FOXP1: variants seen among roughly 807,000 people sequenced by gnomAD.
The protein encoded by FOXP1 is forkhead box protein P1.
In FOXP1, 15 loss-of-function variants were observed where a neutral mutation model predicts 98.2. That is an observed-to-expected ratio of 0.15 (90% CI 0.10 to 0.24). The LOEUF (loss-of-function observed/expected upper bound fraction) is 0.24. Ranked by LOEUF, FOXP1 falls within the 10% of genes least tolerant of loss-of-function variation. The probability of loss-of-function intolerance (pLI) is 1.00; values close to 1 mark genes in which losing one functional copy is unlikely to be tolerated. For missense variants in FOXP1, 633 were observed against 848.5 expected, an observed-to-expected ratio of 0.75 and a Z score of 3.15; for synonymous variants, 371 against 314.5, an observed-to-expected ratio of 1.18 and a Z score of -1.90.
intron 2 of FOXP1, among the ~76,000 whole-genome samples, chr3:71,497,088 G>A (rs932753469): frequency 6.6e-6 from 1 of 151,384 alleles, no homozygotes; most frequent in Non-Finnish European, 1.5e-5. Context: ...AAAAAATACA[G>A]CAACTGAAAT....
intron 2 of FOXP1, among the ~76,000 whole-genome samples, chr3:71,502,227 G>A (rs961239588): frequency 6.6e-6 from 1 of 152,224 alleles, no homozygotes; most frequent in Non-Finnish European, 1.5e-5. Context: ...AGCACAGCTA[G>A]CACAAGGCAG....
intron 3 of FOXP1, among the ~76,000 whole-genome samples, chr3:71,380,321 C>G (rs2080047599): frequency 6.6e-6 from 1 of 152,174 alleles, no homozygotes; most frequent in Admixed American, 6.5e-5. Flanking sequence ...CCACAATACC[C>G]TGACACACTG....
At chr3:71,524,904 CG>C (rs1229652166) in intron 2 of FOXP1, among the ~76,000 whole-genome samples, 22 of 152,156 alleles carry the variant, frequency 1.4e-4, no homozygotes, top group Non-Finnish European at 1.0e-4. Flanking sequence ...GGTCACCGTG[CG>C]GCCCACTTGG....
intron 5 of FOXP1, among the ~76,000 whole-genome samples, chr3:71,275,821 A>G (rs2107342819): frequency 6.6e-6 from 1 of 152,216 alleles, no homozygotes; most frequent in African/African-American, 2.4e-5. Context: ...CCATCCTCTC[A>G]TGCTTATCCC....
chr3:71,009,770 A>G (rs886232325), intron 12 of FOXP1, among the ~76,000 whole-genome samples: 1 of 152,126 alleles, frequency 6.6e-6, no homozygotes, highest in African/African-American at 2.4e-5. Flanking sequence ...ATTTTTAGAG[A>G]CAAGGTTTTG....
At chr3:71,072,874 C>A (rs891317966) in intron 7 of FOXP1, among the ~76,000 whole-genome samples, 1 of 152,212 alleles carries the variant, frequency 6.6e-6, no homozygotes. Flanking sequence ...AAGGTTTAGA[C>A]TGGATTGCAA....
chr3:71,039,044 C>T (rs1207966154), intron 11 of FOXP1, among the ~76,000 whole-genome samples: 1 of 152,042 alleles, frequency 6.6e-6, no homozygotes, highest in Non-Finnish European at 1.5e-5. Context: ...GTCTTGATGG[C>T]TACATTCAGT....
intron 16 of FOXP1, 119 bp downstream of exon 16, chr3:70,977,521 CCTT>C: frequency 1.3e-6 from 1 of 796,962 alleles, no homozygotes; most frequent in Non-Finnish European, 2.1e-6. Context: ...TTTTAAAAAA[CCTT>C]ATAGAAAAGG....
Position 70,958,217 on chromosome 3 carries a change from A to C in FOXP1, c.*1030T>G, listed in dbSNP as rs1353378788. The C allele has an allele frequency of 2.1e-6, 1 of 475,654 alleles. No individual in the cohort carries two copies. Among genetic ancestry groups the C allele is most frequent in the Admixed American group, 3.1e-5 (1 of 32,512 alleles). 29.5% of individuals were successfully genotyped at this position (475,654 alleles called of 1,614,324 possible). A position where few individuals can be genotyped will look rare whatever the true frequency, so the allele number is the denominator to read the frequency against. ...GCTGCAAAAAAAAAAAAAGAAAAGA[A>C]AAGAAAAAAAGAAAATCCGAAACAC... On this transcript the variant is annotated 3_prime_UTR_variant, in exon 21 of 21. Coordinates refer to ENST00000649528, the MANE Select transcript of FOXP1 (RefSeq NM_001349338.3).
At chr3:71,373,711 C>T (rs781586604) in intron 3 of FOXP1, among the ~76,000 whole-genome samples, 1 of 152,150 alleles carries the variant, frequency 6.6e-6, no homozygotes, top group Non-Finnish European at 1.5e-5. Flanking sequence ...TTAATGAACT[C>T]GATCATCTCA....
At chr3:71,568,459 T>C (rs2047085824) in intron 2 of FOXP1, among the ~76,000 whole-genome samples, 1 of 152,132 alleles carries the variant, frequency 6.6e-6, no homozygotes, top group Non-Finnish European at 1.5e-5. Context: ...ATGTGACCTG[T>C]GCAGTCCCAC....
chr3:71,280,338 T>A (rs2071402636), intron 5 of FOXP1, among the ~76,000 whole-genome samples: 5 of 151,460 alleles, frequency 3.3e-5, no homozygotes, highest in Non-Finnish European at 2.9e-5. Flanking sequence ...TTTTATTTTT[T>A]GAGACAGAGT....
intron 5 of FOXP1, among the ~76,000 whole-genome samples, chr3:71,249,254 A>C (rs570294268): frequency 3.9e-5 from 6 of 152,388 alleles, no homozygotes; most frequent in Admixed American, 6.5e-5. Context: ...CCAACCCAGC[A>C]AACAGGGCCT....
chr3:71,428,602 T>C (rs556068315), intron 3 of FOXP1, among the ~76,000 whole-genome samples: 3 of 152,346 alleles, frequency 2.0e-5, no homozygotes, highest in East Asian at 1.9e-4. Context: ...GAAGTCCCTA[T>C]TGAGAGTCCA....
At chr3:71,369,258 C>T (rs900559639) in intron 3 of FOXP1, among the ~76,000 whole-genome samples, 1 of 152,006 alleles carries the variant, frequency 6.6e-6, no homozygotes, top group African/African-American at 2.4e-5. Flanking sequence ...GGCGTAGTGG[C>T]GGGTAAGGGG....
At position 70,958,145 on chromosome 3, in the gene FOXP1, CTA is replaced by C. The variant is rs1311979455; in HGVS notation, c.*1100_*1101del. The C allele has an allele frequency of 9.7e-5, 34 of 348,778 alleles. 1 individual carries two copies. In the South Asian group the frequency reaches 1.1e-3, roughly 11 times the overall value. The allele number at this position is 348,778 out of a possible 1,614,324, so 21.6% of individuals were successfully genotyped here. On this transcript the variant is annotated 3_prime_UTR_variant, in exon 21 of 21. Transcript: ENST00000649528. ...GCTTTTTTTTTTTTTTCAGTGCTGC[CTA>C]TGTTTCCTTGTGCTGGTAGAATGTG...
chr3:71,087,206 T>C (rs963272456), intron 7 of FOXP1, among the ~76,000 whole-genome samples: 2 of 152,184 alleles, frequency 1.3e-5, no homozygotes, highest in Non-Finnish European at 2.9e-5. Flanking sequence ...GCACAACTGA[T>C]GAGATCAAAA....
chr3:71,078,937 C>T (rs961565724), intron 7 of FOXP1, among the ~76,000 whole-genome samples: 2 of 152,148 alleles, frequency 1.3e-5, no homozygotes, highest in African/African-American at 4.8e-5. Flanking sequence ...GACTTAAGAA[C>T]CAAGTTCATC....
At chr3:71,473,623 G>A (rs549044471) in intron 3 of FOXP1, among the ~76,000 whole-genome samples, 28 of 71,040 alleles carry the variant, frequency 3.9e-4, no homozygotes, top group East Asian at 1.1e-3. Context: ...CCACCTCCCC[G>A]CCACCACCCG....
Sources: allele counts gnomAD v4.1 joint callset (sites outside exome capture counted in the v4.1 genomes callset), GRCh38; gene constraint gnomAD v4.1.1; transcripts MANE v1.5; gene names NCBI Gene and HGNC (gene_info 2026-07-23, HGNC 2026-07-21).